Variants in NDRG4 observed in about 807,000 individuals in gnomAD.
The protein encoded by NDRG4 is NDRG family member 4, also known as protein NDRG4.
NDRG4 carries 38 observed loss-of-function variants against 55.8 expected under a neutral mutation model. That is an observed-to-expected ratio of 0.68 (90% CI 0.53 to 0.89). NDRG4 has a LOEUF of 0.89. NDRG4 is among the 40% of genes least tolerant of loss of function. The probability of loss-of-function intolerance (pLI) is 0.00; values close to 1 mark genes in which losing one functional copy is unlikely to be tolerated. For synonymous variants in NDRG4, 190 were observed against 182.7 expected, an observed-to-expected ratio of 1.04 and a Z score of -0.32; for missense variants, 455 against 468.6, an observed-to-expected ratio of 0.97 and a Z score of 0.27.
chr16:58,491,364 C>T (rs897598510), intron 2 of NDRG4, among the ~76,000 whole-genome samples: 2 of 152,182 alleles, frequency 1.3e-5, no homozygotes, highest in Non-Finnish European at 2.9e-5. Flanking sequence ...CTCTCTCTGT[C>T]TTCAAGAGCT....
At chr16:58,514,995 G>A (rs1164618271), downstream of NDRG4, among the ~76,000 whole-genome samples, 1 of 152,206 alleles carries the variant, frequency 6.6e-6, no homozygotes, top group African/African-American at 2.4e-5. Context: ...TTAAAAACGA[G>A]GATGTACTGG....
At chr16:58,505,918 C>T in intron 5 of NDRG4, 1 of 255,126 alleles carries the variant, frequency 3.9e-6, no homozygotes, top group South Asian at 3.8e-5. Context: ...GACAGGGCTT[C>T]ACCATGTTGG....
Position 58,506,428 on chromosome 16 carries a change from C to T in NDRG4, c.414C>T (p.Asn138=). 3.7e-6 allele frequency: 6 copies of T among 1,612,052 alleles called. No individual in the cohort carries two copies. The highest frequency in any genetic ancestry group is 2.2e-5 in the East Asian group (1 of 44,724). The change falls in exon 6 of 15, where the codon AAC becomes AAT. Residue 138 remains asparagine (N), a synonymous_variant. Transcript: ENST00000570248. ...TGGTGGAGGGGCTGGTGCTGGTGAA[C>T]ATCGACCCCAATGGCAAAGGCTGGA... ...PDLVEGLVLV[N]IDPNGKGWID... is the part of the protein sequence containing the mutation.
chr16:58,495,803 T>G (rs1044243528), upstream of NDRG4, among the ~76,000 whole-genome samples: 1 of 152,114 alleles, frequency 6.6e-6, no homozygotes, highest in Admixed American at 6.5e-5. Context: ...GGGCAGCCAA[T>G]GTACATGTGC....
chr16:58,507,041 G>A, intron 8 of NDRG4, 26 bp downstream of exon 8: 7 of 1,578,514 alleles, frequency 4.4e-6, no homozygotes, highest in Middle Eastern at 1.7e-4. Context: ...GCAGCCCTGG[G>A]ACCCAGCACA....
chr16:58,501,505 A>G (rs992733942), intron 1 of NDRG4: 2 of 163,578 alleles, frequency 1.2e-5, no homozygotes, highest in Non-Finnish European at 2.6e-5. Context: ...GGGGCCTCAG[A>G]GTGCACCGCG....
intron 14 of NDRG4, 140 bp from the exon 15 acceptor site, chr16:58,511,282 G>A (rs1460022590): frequency 1.9e-5 from 19 of 984,984 alleles, no homozygotes; most frequent in East Asian, 1.5e-4. Flanking sequence ...GACAGCTGTC[G>A]CCAGCCTCCT....
intron 1 of NDRG4, among the ~76,000 whole-genome samples, chr16:58,480,973 C>T (rs2091256510): frequency 6.6e-6 from 1 of 150,542 alleles, no homozygotes; most frequent in South Asian, 2.1e-4. Flanking sequence ...CGTGCCACTG[C>T]ATTCCAGCCT....
chr16:58,503,098 G>A (rs1462607064), intron 1 of NDRG4, among the ~76,000 whole-genome samples: 2 of 152,236 alleles, frequency 1.3e-5, no homozygotes, highest in Non-Finnish European at 2.9e-5. Context: ...GTAGAACCAG[G>A]TCTTCCTGAG....
chr16:58,495,066 C>T (rs2036245297), intron 3 of NDRG4: 2 of 1,567,934 alleles, frequency 1.3e-6, no homozygotes, highest in Admixed American at 1.7e-5. Flanking sequence ...CCCCTCACCC[C>T]ACCTGGCCAG....
chr16:58,492,082 C>T (rs180782236), intron 2 of NDRG4, among the ~76,000 whole-genome samples: 110 of 152,320 alleles, frequency 7.2e-4, no homozygotes, highest in Non-Finnish European at 1.2e-3. Context: ...TCACCTGGCA[C>T]CCTGTTCACT....
intron 1 of NDRG4, among the ~76,000 whole-genome samples, chr16:58,468,349 G>T (rs1010259363): frequency 6.6e-6 from 1 of 152,228 alleles, no homozygotes; most frequent in Non-Finnish European, 1.5e-5. Flanking sequence ...GGTCTCCCCT[G>T]TGCTTCTCAG....
In NDRG4 at chr16:58,464,368, C is replaced by G; in HGVS notation, c.-24+571C>G. On this transcript the variant is annotated intron_variant, in intron 1 of 15. Transcript: ENST00000258187. The surrounding 1 kb of genome is among the most constrained non-coding windows in gnomAD (Gnocchi z 4.8). The stretch of plus-strand genomic sequence containing the variant: ...TCCGGGTCTCCCGCGCTCCTCTCCC[C>G]GGCTCGGCCGAGCGCGCTGCCCCGA... 5 of 1,347,176 alleles carry G rather than the reference C, an allele frequency of 3.7e-6. No individual in the cohort carries two copies. The highest frequency in any genetic ancestry group is 3.8e-6 in the Non-Finnish European group (4 of 1,050,114). The allele number at this position is 1,347,176 out of a possible 1,614,324, so 83.5% of individuals were successfully genotyped here.
chr16:58,513,049 C>T lies in NDRG4; in HGVS notation c.*1473C>T, dbSNP rs928123628. 9 of 152,632 alleles carry T rather than the reference C, an allele frequency of 5.9e-5. No individual in the cohort carries two copies. The highest frequency in any genetic ancestry group is 1.9e-4 in the African/African-American group (8 of 41,424). 9.5% of individuals were successfully genotyped at this position (152,632 alleles called of 1,614,324 possible). The stretch of plus-strand genomic sequence containing the variant: ...CCCCCTCATGTGCTTCTTCTGAATA[C>T]TGAATGTGACTGTTTGAAAGCTGGT... On this transcript the variant is annotated 3_prime_UTR_variant, in exon 15 of 15. Transcript: ENST00000570248.
chr16:58,476,729 A>C (rs2033691812), intron 1 of NDRG4, among the ~76,000 whole-genome samples: 1 of 151,804 alleles, frequency 6.6e-6, no homozygotes, highest in African/African-American at 2.4e-5. Context: ...AGCATTAAAA[A>C]CTCCATGATA....
rs2271948 is a variant in NDRG4, at chr16:58,506,627, A to G, written c.516+13A>G. 0.29 allele frequency: 453,842 copies of G among 1,545,820 alleles called. 71,900 individuals are homozygous for G. The highest frequency in any genetic ancestry group is 0.62 in the East Asian group (25,375 of 41,112). On this transcript the variant is annotated intron_variant, in intron 7 of 14. Transcript: ENST00000570248. Reference sequence around the variant, plus strand: ...CCTCTTCAGCCAGGTAAGGGGGGGAACTTCTGCAGATCTGGGGTGATCTGG... The same window carrying G: ...CCTCTTCAGCCAGGTAAGGGGGGGAGCTTCTGCAGATCTGGGGTGATCTGG...
In NDRG4 at chr16:58,478,596, T is replaced by C. The variant is rs1350298493; in HGVS notation, c.-23-9160T>C. ...TATGTATCAGTGTTTAATTTCCTGGTTTCTCTAATTGTATTATGGTTCTGT... is the reference window on the plus strand; with the variant it reads ...TATGTATCAGTGTTTAATTTCCTGGCTTCTCTAATTGTATTATGGTTCTGT... On this transcript the variant is annotated intron_variant, in intron 1 of 15. Coordinates refer to the NDRG4 transcript ENST00000258187. Among the ~76,000 whole-genome samples, 3 of 152,272 alleles carry C rather than the reference T, an allele frequency of 2.0e-5. No homozygotes were observed. The East Asian group carries it at 5.8e-4, about 29-fold the overall frequency.
At chr16:58,476,188 T>C (rs1320615945) in intron 1 of NDRG4, among the ~76,000 whole-genome samples, 1 of 152,254 alleles carries the variant, frequency 6.6e-6, no homozygotes, top group Non-Finnish European at 1.5e-5. Flanking sequence ...ACAAATTTTA[T>C]TCCCATCATC....
intron 3 of NDRG4, chr16:58,495,111 C>G (rs1233526445): frequency 1.8e-6 from 2 of 1,141,336 alleles, no homozygotes; most frequent in African/African-American, 1.5e-5. Context: ...TCTGTGTGCC[C>G]CCTGCCTAAC....
Sources: allele counts gnomAD v4.1 joint callset (sites outside exome capture counted in the v4.1 genomes callset), GRCh38; gene constraint gnomAD v4.1.1; non-coding constraint Gnocchi (gnomAD v3.1); transcripts MANE v1.5; gene names NCBI Gene and HGNC (gene_info 2026-07-23, HGNC 2026-07-21).